CD5: variants seen among roughly 807,000 people sequenced by gnomAD.
CD5 encodes T-cell surface glycoprotein CD5.
CD5 carries 36 observed loss-of-function variants against 60.3 expected under a neutral mutation model. The ratio of observed to expected loss-of-function variants is 0.60; its 90% CI spans 0.46 to 0.79. CD5 has a LOEUF of 0.79. Ranked by LOEUF, CD5 falls within the 30% of genes least tolerant of loss-of-function variation. The pLI, the probability that CD5 is intolerant of heterozygous loss-of-function variation, is 0.00. For synonymous variants in CD5, 230 were observed against 257.6 expected (o/e 0.89, Z 1.03); for missense variants, 540 against 630.6 (o/e 0.86, Z 1.54).
At chr11:61,119,181 A>G in intron 4 of CD5, 53 bp from the exon 5 acceptor site, 1 of 1,491,852 alleles carries the variant, frequency 6.7e-7, no homozygotes, top group Non-Finnish European at 9.0e-7. Context: ...AGGAGTGCCC[A>G]GGAAGCCCTC....
At chr11:61,100,132 C>T (rs1282151126), upstream of CD5, among the ~76,000 whole-genome samples, 2 of 137,102 alleles carry the variant, frequency 1.5e-5, no homozygotes, top group Admixed American at 1.5e-4. Flanking sequence ...CATTCACACA[C>T]ATCAACATGG....
intron 1 of CD5, among the ~76,000 whole-genome samples, chr11:61,110,890 GGTGATGGTGATGATGATGGTGA>G (rs1467300430): frequency 6.6e-6 from 1 of 152,120 alleles, no homozygotes; most frequent in African/African-American, 2.4e-5. Context: ...TGATGGTGAC[GGTGATGGTGATGATGATGGTGA>G]CGGTGATAGA....
chr11:61,097,421 T>C, the CD5 span, among the ~76,000 whole-genome samples: 2 of 152,194 alleles, frequency 1.3e-5, no homozygotes, highest in African/African-American at 2.4e-5. Flanking sequence ...AACTGTATAA[T>C]GGTACCACAG....
intron 4 of CD5, 77 bp from the exon 5 acceptor site, chr11:61,119,157 G>A: frequency 7.2e-7 from 1 of 1,391,342 alleles, no homozygotes; most frequent in Non-Finnish European, 9.8e-7. Context: ...TCCACAAGTT[G>A]GGGCCAAACA....
At chr11:61,095,817 C>T in the CD5 span, among the ~76,000 whole-genome samples, 1 of 152,196 alleles carries the variant, frequency 6.6e-6, no homozygotes, top group South Asian at 2.1e-4. Context: ...CTATGAAAGA[C>T]TGTGTGAGGC....
At chr11:61,096,243 C>T in the CD5 span, among the ~76,000 whole-genome samples, 3 of 152,216 alleles carry the variant, frequency 2.0e-5, no homozygotes, top group Non-Finnish European at 4.4e-5. Context: ...TAAGTGTCCC[C>T]AACTGAAGGA....
chr11:61,115,815 G>A (rs1335542131), intron 2 of CD5, among the ~76,000 whole-genome samples: 1 of 152,256 alleles, frequency 6.6e-6, no homozygotes, highest in Non-Finnish European at 1.5e-5. Context: ...GGGGGTGACA[G>A]GGGCCTTGGC....
At position 61,125,975 on chromosome 11, in the gene CD5, C is replaced by G. The variant is rs568621638; in HGVS notation, c.*2+134C>G. On this transcript the variant is annotated intron_variant, in intron 10 of 10. Coordinates refer to ENST00000347785, the MANE Select transcript of CD5 (RefSeq NM_014207.4). ...ATAGGGGACCCCCAGCATCTTGATT[C>G]TTGTAAAGGGAAAGACAAACGTCAG... 529 of 481,064 alleles carry G rather than the reference C, an allele frequency of 1.1e-3. 9 individuals carry two copies. In the East Asian group the frequency reaches 0.017, roughly 16 times the overall value. 29.8% of individuals were successfully genotyped at this position (481,064 alleles called of 1,614,324 possible). A position where few individuals can be genotyped will look rare whatever the true frequency, so the allele number is the denominator to read the frequency against.
chr11:61,109,681 G>C (rs1010992738), intron 1 of CD5, among the ~76,000 whole-genome samples: 3 of 152,080 alleles, frequency 2.0e-5, no homozygotes, highest in African/African-American at 4.8e-5. Flanking sequence ...AAGACCTCAG[G>C]GCAGGCAGGG....
intron 1 of CD5, among the ~76,000 whole-genome samples, chr11:61,105,896 G>A (rs930146192): frequency 2.0e-5 from 3 of 152,196 alleles, no homozygotes; most frequent in Non-Finnish European, 2.9e-5. Flanking sequence ...AGGCCAAGAC[G>A]GGTGGATCAC....
rs565935390 is a variant in CD5, at chr11:61,116,014, C to T, written c.94+920C>T. ...ACCCCACCAATGTTAGGTGTTGAGACGCGCTCGTTCTCCCTCTAACCAGCC... is the reference window on the plus strand; with the variant it reads ...ACCCCACCAATGTTAGGTGTTGAGATGCGCTCGTTCTCCCTCTAACCAGCC... On this transcript the variant is annotated intron_variant, in intron 2 of 10. Coordinates refer to ENST00000347785, the MANE Select transcript of CD5 (RefSeq NM_014207.4). Among the ~76,000 whole-genome samples, 125 of 152,296 alleles carry T rather than the reference C, an allele frequency of 8.2e-4. 1 individual carries two copies. In the Middle Eastern group the frequency reaches 0.01, roughly 12 times the overall value.
intron 2 of CD5, among the ~76,000 whole-genome samples, 171 bp downstream of exon 2, chr11:61,115,265 C>T (rs1860921816): frequency 6.6e-6 from 1 of 152,156 alleles, no homozygotes; most frequent in Non-Finnish European, 1.5e-5. Context: ...GCAGACACTG[C>T]ACATTAAGAT....
the CD5 span, among the ~76,000 whole-genome samples, chr11:61,095,278 C>T: frequency 2.0e-5 from 3 of 152,110 alleles, no homozygotes; most frequent in African/African-American, 7.2e-5. Context: ...CCCTTGAAAG[C>T]TCGCTTACAG....
chr11:61,100,648 T>C (rs1430556046), upstream of CD5, among the ~76,000 whole-genome samples: 18 of 70,824 alleles, frequency 2.5e-4, no homozygotes, highest in African/African-American at 4.4e-4. Flanking sequence ...ACATGGAGAT[T>C]ACACACACAT....
At chr11:61,094,432 T>C in the CD5 span, among the ~76,000 whole-genome samples, 1 of 152,256 alleles carries the variant, frequency 6.6e-6, no homozygotes, top group African/African-American at 2.4e-5. Flanking sequence ...TTGGTTTGAA[T>C]CGCTTGACAG....
the CD5 span, among the ~76,000 whole-genome samples, chr11:61,094,565 T>C: frequency 2.0e-5 from 3 of 152,132 alleles, no homozygotes; most frequent in Non-Finnish European, 2.9e-5. Context: ...GATACTTTGG[T>C]TTTGGTTTTG....
In CD5 at chr11:61,102,559, C is replaced by T; in HGVS notation, c.-2C>T. On this transcript the variant is annotated 5_prime_UTR_variant, in exon 1 of 11. Transcript: ENST00000347785. Reference sequence around the variant, plus strand: ...GGCTGAGGCAAGAGAAGGCCAGAAACCATGCCCATGGGGTCTCTGCAACCG... The same window carrying T: ...GGCTGAGGCAAGAGAAGGCCAGAAATCATGCCCATGGGGTCTCTGCAACCG... 1 of 1,579,216 alleles carries T rather than the reference C, an allele frequency of 6.3e-7. No homozygotes were observed. Among genetic ancestry groups the T allele is most frequent in the Non-Finnish European group, 8.6e-7 (1 of 1,161,442 alleles).
chr11:61,114,760 T>C (rs1234131693), intron 1 of CD5, among the ~76,000 whole-genome samples: 4 of 152,140 alleles, frequency 2.6e-5, no homozygotes, highest in Admixed American at 2.6e-4. Context: ...GTCACACACA[T>C]CTATATATGT....
chr11:61,119,606 C>A, intron 5 of CD5, 31 bp downstream of exon 5: 6 of 1,500,370 alleles, frequency 4.0e-6, no homozygotes, highest in Non-Finnish European at 5.5e-6. Context: ...CCCCATGACA[C>A]CTTCTGCTGC....
Sources: allele counts gnomAD v4.1 joint callset (sites outside exome capture counted in the v4.1 genomes callset), GRCh38; gene constraint gnomAD v4.1.1; transcripts MANE v1.5; gene names NCBI Gene and HGNC (gene_info 2026-07-23, HGNC 2026-07-21).